The following KHDRBS3 variants were observed in gnomAD, a reference collection of about 807,000 sequenced individuals.
KHDRBS3 encodes the protein KH domain-containing, RNA-binding, signal transduction-associated protein 3.
A neutral mutation model predicts 45.6 loss-of-function variants in KHDRBS3; 23 were observed. That is an observed-to-expected ratio of 0.50 (90% CI 0.36 to 0.72). The LOEUF is 0.72. KHDRBS3 is among the 30% of genes least tolerant of loss of function. The pLI, the probability that KHDRBS3 is intolerant of heterozygous loss-of-function variation, is 0.00. For missense variants in KHDRBS3, 352 were observed against 424.8 expected (o/e 0.83, Z 1.51); for synonymous variants, 162 against 156.5 (o/e 1.04, Z -0.26).
chr8:135,547,694 AGG>A (rs1826379744), intron 3 of KHDRBS3, among the ~76,000 whole-genome samples: 1 of 152,212 alleles, frequency 6.6e-6, no homozygotes, highest in Non-Finnish European at 1.5e-5. Flanking sequence ...TGAAATTAAA[AGG>A]TGGTATTGCC....
In KHDRBS3 at chr8:135,535,655, CACTTA is replaced by C. The variant is rs1213810841; in HGVS notation, c.208-6994_208-6990del. Among the ~76,000 whole-genome samples, 19 of 152,156 alleles carry C rather than the reference CACTTA, an allele frequency of 1.2e-4. No homozygotes were observed. The East Asian group carries it at 3.5e-3, about 28-fold the overall frequency. On this transcript the variant is annotated intron_variant, in intron 2 of 8. Transcript: ENST00000355849. The stretch of plus-strand genomic sequence containing the variant: ...AATTTTCTTTTTTTATCCTATGGGT[CACTTA>C]ACTTTGTAGAATGTGACTTTTCTTT...
At chr8:135,555,857 T>A (rs1826856331) in intron 4 of KHDRBS3, among the ~76,000 whole-genome samples, 1 of 152,052 alleles carries the variant, frequency 6.6e-6, no homozygotes, top group Non-Finnish European at 1.5e-5. Flanking sequence ...GTCACCTACG[T>A]TAATTCTCCA....
intron 1 of KHDRBS3, among the ~76,000 whole-genome samples, chr8:135,484,998 A>G (rs146858351): frequency 6.8e-4 from 103 of 152,292 alleles, no homozygotes; most frequent in African/African-American, 2.2e-3. Context: ...GACATCAGAA[A>G]CGCAGTTGAC....
chr8:135,510,673 C>T (rs1301996383), intron 1 of KHDRBS3, among the ~76,000 whole-genome samples: 1 of 152,160 alleles, frequency 6.6e-6, no homozygotes, highest in Non-Finnish European at 1.5e-5. Context: ...GACGTAATGA[C>T]CCACCCGCCT....
chr8:135,553,215 A>G (rs1826700754), intron 4 of KHDRBS3, among the ~76,000 whole-genome samples: 1 of 152,126 alleles, frequency 6.6e-6, no homozygotes, highest in South Asian at 2.1e-4. Flanking sequence ...CCAGACTCTC[A>G]TATTTCTTAC....
chr8:135,655,346 C>T lies in KHDRBS3; in HGVS notation c.*118-880C>T, dbSNP rs1225937214. Among the ~76,000 whole-genome samples the T allele has an allele frequency of 2.6e-5, 4 of 152,070 alleles. No individual in the cohort carries two copies. In the East Asian group the frequency reaches 5.8e-4, roughly 22 times the overall value. ...AGAGGAGAAAGGGATGAACTTGCTCCGAGGACAAAGGAAGAAATAAAACCT... is the reference window on the plus strand; with the variant it reads ...AGAGGAGAAAGGGATGAACTTGCTCTGAGGACAAAGGAAGAAATAAAACCT... On this transcript the variant is annotated intron_variant and NMD_transcript_variant, in intron 4 of 4. Transcript: ENST00000521461.
At chr8:135,586,935 C>T (rs1442279278) in intron 6 of KHDRBS3, among the ~76,000 whole-genome samples, 1 of 152,116 alleles carries the variant, frequency 6.6e-6, no homozygotes, top group Non-Finnish European at 1.5e-5. Context: ...AGAAAGTATG[C>T]ATTTCAATCT....
chr8:135,619,329 A>G (rs1033309010), intron 7 of KHDRBS3, among the ~76,000 whole-genome samples: 1 of 152,222 alleles, frequency 6.6e-6, no homozygotes, highest in Admixed American at 6.5e-5. Context: ...AGTATTGGAT[A>G]TAGTCTTAAA....
intron 5 of KHDRBS3, among the ~76,000 whole-genome samples, chr8:135,558,996 A>C (rs1395734569): frequency 6.6e-6 from 1 of 152,138 alleles, no homozygotes; most frequent in Non-Finnish European, 1.5e-5. Context: ...CCGTCCTCAC[A>C]CTGCCTTCTC....
chr8:135,531,424 A>AAC (rs869202555), intron 2 of KHDRBS3, among the ~76,000 whole-genome samples: 1 of 7,210 alleles, frequency 1.4e-4, no homozygotes, highest in East Asian at 0.071. Flanking sequence ...CTGCAACAAC[A>AAC]AAAAAAATCA....
chr8:135,557,943 C>T (rs1045528571), intron 5 of KHDRBS3, among the ~76,000 whole-genome samples: 3 of 152,168 alleles, frequency 2.0e-5, no homozygotes, highest in Admixed American at 6.5e-5. Context: ...ACCTGTGACA[C>T]TTATTAGCTG....
chr8:135,551,024 A>G (rs1473681416), intron 4 of KHDRBS3, among the ~76,000 whole-genome samples: 6 of 152,154 alleles, frequency 3.9e-5, no homozygotes, highest in South Asian at 2.1e-4. Context: ...TCATTTTCAG[A>G]TGATTACTAG....
At chr8:135,478,948 T>C (rs781411051) in intron 1 of KHDRBS3, among the ~76,000 whole-genome samples, 2 of 151,940 alleles carry the variant, frequency 1.3e-5, no homozygotes, top group Non-Finnish European at 2.9e-5. Flanking sequence ...ATAACACAGG[T>C]TGGAATGGAA....
intron 7 of KHDRBS3, among the ~76,000 whole-genome samples, chr8:135,611,715 A>G (rs552480118): frequency 6.6e-6 from 1 of 152,022 alleles, no homozygotes; most frequent in African/African-American, 2.4e-5. Context: ...TTCAATTTAA[A>G]TCAGCTCTTT....
chr8:135,496,714 C>T (rs1355486975), intron 1 of KHDRBS3, among the ~76,000 whole-genome samples: 1 of 152,182 alleles, frequency 6.6e-6, no homozygotes, highest in African/African-American at 2.4e-5. Flanking sequence ...CTACCTCAAA[C>T]AAAGTGGTTT....
intron 6 of KHDRBS3, among the ~76,000 whole-genome samples, chr8:135,588,421 G>T (rs1828585701): frequency 6.6e-6 from 1 of 152,052 alleles, no homozygotes; most frequent in African/African-American, 2.4e-5. Context: ...CCCTTCAGCT[G>T]GAGTTTTTAA....
At chr8:135,588,534 C>A (rs1452757749) in intron 6 of KHDRBS3, among the ~76,000 whole-genome samples, 1 of 152,150 alleles carries the variant, frequency 6.6e-6, no homozygotes, top group Non-Finnish European at 1.5e-5. Flanking sequence ...GGTGGGACAG[C>A]AAGTTTCAAC....
At chr8:135,483,133 G>A (rs1822669942) in intron 1 of KHDRBS3, among the ~76,000 whole-genome samples, 1 of 152,038 alleles carries the variant, frequency 6.6e-6, no homozygotes, top group Non-Finnish European at 1.5e-5. Flanking sequence ...AAAAAGAAAG[G>A]TCAAAACTGA....
At chr8:135,546,062 G>A (rs372316083) in intron 3 of KHDRBS3, among the ~76,000 whole-genome samples, 4 of 151,928 alleles carry the variant, frequency 2.6e-5, no homozygotes, top group East Asian at 1.9e-4. Flanking sequence ...GCTTGAACCC[G>A]GGAGGCAGAG....
Sources: gnomAD v4.1 joint callset for allele counts (sites outside exome capture counted in the v4.1 genomes callset) on GRCh38, gnomAD v4.1.1 for gene constraint, MANE v1.5 for transcripts, NCBI Gene and HGNC (gene_info 2026-07-23, HGNC 2026-07-21) for gene names.